Variants in NAV2 observed in about 807,000 individuals in gnomAD.
The protein encoded by NAV2 is helicase, APC down-regulated 1.
A neutral mutation model predicts 223.2 loss-of-function variants in NAV2; 54 were observed. The observed-to-expected ratio is 0.24, with a 90% confidence interval of 0.19 to 0.30. The LOEUF (loss-of-function observed/expected upper bound fraction) is 0.30. Among genes scored for constraint, NAV2 ranks in the 10% least tolerant of loss-of-function variants. NAV2 has a pLI of 1.00. For synonymous variants in NAV2, 1,279 were observed against 1,239.3 expected (o/e 1.03, Z -0.67); for missense variants, 2,806 against 3,147.5 (o/e 0.89, Z 2.60).
chr11:19,479,034 A>G (rs1341923803), intron 1 of NAV2, among the ~76,000 whole-genome samples: 1 of 152,020 alleles, frequency 6.6e-6, no homozygotes, highest in African/African-American at 2.4e-5. Context: ...AGATATTTTC[A>G]TGGGGTTGCC....
chr11:19,648,364 A>C (rs985812949), intron 1 of NAV2, among the ~76,000 whole-genome samples: 1 of 152,234 alleles, frequency 6.6e-6, no homozygotes, highest in East Asian at 1.9e-4. Flanking sequence ...GACATCAGCC[A>C]TGATGGGAAT....
chr11:19,863,377 G>A (rs2061903081), intron 3 of NAV2, among the ~76,000 whole-genome samples: 1 of 152,118 alleles, frequency 6.6e-6, no homozygotes, highest in Non-Finnish European at 1.5e-5. Flanking sequence ...GTGGTATATT[G>A]CATCCTGTAT....
At chr11:19,868,832 T>C in intron 3 of NAV2, 93 bp from the exon 4 acceptor site, 2 of 1,311,970 alleles carry the variant, frequency 1.5e-6, no homozygotes, top group South Asian at 1.3e-5. Flanking sequence ...CGGCCGTTTT[T>C]ACAGCATTCT....
chr11:19,483,167 C>T (rs182310219), intron 1 of NAV2, among the ~76,000 whole-genome samples: 1 of 152,314 alleles, frequency 6.6e-6, no homozygotes, highest in Admixed American at 6.5e-5. Context: ...TAGTAGCCCC[C>T]CACTTATCCA....
intron 36 of NAV2, among the ~76,000 whole-genome samples, chr11:20,111,751 T>C (rs953739703): frequency 2.6e-5 from 4 of 152,080 alleles, no homozygotes; most frequent in African/African-American, 4.8e-5. Context: ...CCCAGACAGG[T>C]CTCCCGTCTC....
intron 12 of NAV2, among the ~76,000 whole-genome samples, chr11:20,039,101 G>A (rs928389443): frequency 6.6e-6 from 1 of 152,130 alleles, no homozygotes; most frequent in Non-Finnish European, 1.5e-5. Context: ...AGGCCCAAGA[G>A]CCTCTTGAGC....
chr11:19,650,412 G>A (rs115993315), intron 1 of NAV2, among the ~76,000 whole-genome samples: 261 of 152,282 alleles, frequency 1.7e-3, no homozygotes, highest in East Asian at 0.01. Context: ...CAGAGAGAGC[G>A]TGGCCCTGCT....
chr11:19,995,416 T>C (rs1011199875), intron 11 of NAV2, among the ~76,000 whole-genome samples: 26 of 152,222 alleles, frequency 1.7e-4, no homozygotes, highest in African/African-American at 6.0e-4. Flanking sequence ...GAGTGGCTTC[T>C]TGCAGCTGGC....
intron 1 of NAV2, among the ~76,000 whole-genome samples, chr11:19,682,788 G>A (rs1376661360): frequency 6.6e-6 from 1 of 152,142 alleles, no homozygotes; most frequent in East Asian, 1.9e-4. Context: ...GGAGTATGAC[G>A]CTAAGCCGTT....
Position 20,097,620 on chromosome 11 carries a change from A to G in NAV2, c.6056A>G (p.Asn2019Ser). 6.2e-7 allele frequency: 1 copy of G among 1,612,770 alleles called. No homozygotes were observed. The part of the protein sequence containing the change: ...HVDPVSQLGL[N>S]SDSVLGYSIG... ...GACCCAGTGAGTCAGCTAGGGCTGA[A>G]TTCAGACAGCGTTCTTGGCTACAGC... Residue 2019 changes from asparagine to serine, a missense_variant, in exon 31 of 38, where the codon AAT becomes AGT. By Grantham distance (46) the Asn-to-Ser change is conservative. Around this residue, in one of 4 missense-constraint regions of NAV2, gnomAD observed 824 missense variants for 1,069.4 expected, o/e 0.77. Transcript: ENST00000349880.
At chr11:19,964,669 T>A (rs536755798) in intron 10 of NAV2, among the ~76,000 whole-genome samples, 14 of 151,940 alleles carry the variant, frequency 9.2e-5, no homozygotes, top group Middle Eastern at 3.4e-3. Context: ...CTAATTTTTT[T>A]AAAACATTTT....
chr11:19,879,861 T>A lies in NAV2; in HGVS notation c.512-8T>A. 1 of 1,613,988 alleles carries A rather than the reference T, an allele frequency of 6.2e-7. No homozygotes were observed. The highest frequency in any genetic ancestry group is 2.2e-5 in the East Asian group (1 of 44,878). ...CCATCTGACAAGAGTCTCTTTATTG[T>A]CTTGCAGAGATCAGGAATGGAAACC... On this transcript the variant is annotated splice_polypyrimidine_tract_variant and splice_region_variant and intron_variant, in intron 4 of 37. Transcript: ENST00000349880.
intron 6 of NAV2, among the ~76,000 whole-genome samples, chr11:19,898,807 A>T (rs1345596963): frequency 6.6e-6 from 1 of 152,220 alleles, no homozygotes; most frequent in Non-Finnish European, 1.5e-5. Context: ...TACATACTTG[A>T]TAGCACTTTT....
chr11:19,630,946 G>A (rs12795964), intron 1 of NAV2, among the ~76,000 whole-genome samples: 733 of 101,966 alleles, frequency 7.2e-3, no homozygotes, highest in African/African-American at 0.01. Flanking sequence ...AAGGAAAAAA[G>A]AAAAAAAAAA....
intron 1 of NAV2, among the ~76,000 whole-genome samples, chr11:19,659,435 G>A (rs1164174823): frequency 1.3e-5 from 2 of 152,218 alleles, no homozygotes; most frequent in African/African-American, 2.4e-5. Context: ...TTAAGTGGGA[G>A]TTAACGTGCT....
At chr11:19,457,136 C>T (rs772275453) in intron 1 of NAV2, among the ~76,000 whole-genome samples, 21 of 152,152 alleles carry the variant, frequency 1.4e-4, no homozygotes, top group Non-Finnish European at 5.9e-5. Context: ...TCTCTACTCT[C>T]ATAGAGTTTA....
intron 2 of NAV2, among the ~76,000 whole-genome samples, chr11:19,839,330 G>A (rs1176361698): frequency 6.6e-6 from 1 of 152,148 alleles, no homozygotes; most frequent in Non-Finnish European, 1.5e-5. Flanking sequence ...AGGAAAGCAG[G>A]GAGCGAGAGA....
intron 11 of NAV2, among the ~76,000 whole-genome samples, chr11:20,009,681 G>A (rs528399790): frequency 2.0e-5 from 3 of 152,160 alleles, no homozygotes; most frequent in South Asian, 2.1e-4. Context: ...AACTGTTACC[G>A]GGCTTACTAT....
chr11:19,839,453 G>A (rs958498577), intron 2 of NAV2, among the ~76,000 whole-genome samples: 1 of 152,182 alleles, frequency 6.6e-6, no homozygotes, highest in Admixed American at 6.5e-5. Flanking sequence ...TTAGAAGTGG[G>A]AAGACCTGAT....
Sources: gnomAD v4.1 joint callset for allele counts (sites outside exome capture counted in the v4.1 genomes callset) on GRCh38, gnomAD v4.1.1 for gene constraint, gnomAD v4.1.1 regional missense constraint, MANE v1.5 for transcripts, NCBI Gene and HGNC (gene_info 2026-07-23, HGNC 2026-07-21) for gene names.